CCDC141: variants seen among roughly 807,000 people sequenced by gnomAD.
CCDC141 encodes coiled-coil domain-containing protein 141.
In CCDC141, 168 loss-of-function variants were observed where a neutral mutation model predicts 181.0. That is an observed-to-expected ratio of 0.93 (90% CI 0.82 to 1.05). The LOEUF (loss-of-function observed/expected upper bound fraction) is 1.05, where lower values mean the gene tolerates loss of function less well. CCDC141 is among the 50% of genes least tolerant of loss of function. The pLI is 0.00. For missense variants in CCDC141, 1,902 were observed against 1,788.5 expected, an observed-to-expected ratio of 1.06 and a Z score of -1.14; for synonymous variants, 666 against 642.3, an observed-to-expected ratio of 1.04 and a Z score of -0.56.
chr2:178,862,389 A>T (rs1277098028), intron 17 of CCDC141, among the ~76,000 whole-genome samples: 1 of 152,220 alleles, frequency 6.6e-6, no homozygotes, highest in African/African-American at 2.4e-5. Context: ...ACAAATTTCC[A>T]TTAACATCAT....
At position 178,872,802 on chromosome 2, in the gene CCDC141, C is replaced by G. The variant is rs193277889; in HGVS notation, c.1900-490G>C. Among the ~76,000 whole-genome samples, 248 of 152,040 alleles carry G rather than the reference C, an allele frequency of 1.6e-3. 2 individuals carry two copies. Among genetic ancestry groups the G allele is most frequent in the Non-Finnish European group, 2.9e-3 (198 of 67,974 alleles). ...ATACATTGCAATTATTTTAAATGTCCTTTGCTGTTTCTCGAGTTCCTCCAT... is the reference window on the plus strand; with the variant it reads ...ATACATTGCAATTATTTTAAATGTCGTTTGCTGTTTCTCGAGTTCCTCCAT... On this transcript the variant is annotated intron_variant, in intron 12 of 23. Coordinates refer to ENST00000443758, the MANE Select transcript of CCDC141 (RefSeq NM_173648.4).
intron 2 of CCDC141, among the ~76,000 whole-genome samples, chr2:179,043,237 G>C (rs1412805310): frequency 1.3e-5 from 2 of 152,064 alleles, no homozygotes; most frequent in Non-Finnish European, 2.9e-5. Flanking sequence ...TAAATAGCCT[G>C]CCAACCAAAA....
intron 4 of CCDC141, among the ~76,000 whole-genome samples, chr2:178,963,261 A>G (rs1282728876): frequency 6.6e-6 from 1 of 152,214 alleles, no homozygotes; most frequent in African/African-American, 2.4e-5. Context: ...CCAAGTTACC[A>G]GGTTGAGGAG....
At chr2:179,034,023 A>T (rs192037925) in intron 2 of CCDC141, among the ~76,000 whole-genome samples, 1 of 152,296 alleles carries the variant, frequency 6.6e-6, no homozygotes, top group East Asian at 1.9e-4. Context: ...GTTTCTAGTT[A>T]AGTTGTTCTA....
At chr2:179,015,580 T>TATATAACTC (rs2042486169) in intron 2 of CCDC141, among the ~76,000 whole-genome samples, 2 of 82,424 alleles carry the variant, frequency 2.4e-5, no homozygotes, top group Non-Finnish European at 5.7e-5. Context: ...ATATATCTCA[T>TATATAACTC]ATATATCTCA....
At chr2:178,910,209 C>T (rs985102787) in intron 7 of CCDC141, among the ~76,000 whole-genome samples, 12 of 152,178 alleles carry the variant, frequency 7.9e-5, no homozygotes, top group East Asian at 1.9e-4. Flanking sequence ...ATCTGCAAGA[C>T]GAATTCAAAC....
intron 22 of CCDC141, 71 bp downstream of exon 22, chr2:178,845,555 T>C (rs1684898170): frequency 1.2e-6 from 1 of 822,912 alleles, no homozygotes; most frequent in East Asian, 2.4e-5. Context: ...TCACTTTTAT[T>C]TTGCAATGGA....
At chr2:178,866,173 C>T (rs544333684) in intron 16 of CCDC141, among the ~76,000 whole-genome samples, 21 of 152,188 alleles carry the variant, frequency 1.4e-4, no homozygotes, top group South Asian at 4.1e-4. Flanking sequence ...TCCTCAGAGA[C>T]GCCATTCATT....
At chr2:178,889,741 G>T (rs1395642747) in intron 8 of CCDC141, among the ~76,000 whole-genome samples, 5 of 152,110 alleles carry the variant, frequency 3.3e-5, no homozygotes, top group African/African-American at 7.2e-5. Context: ...GAAGTCCCAG[G>T]TAAGTTTAAT....
intron 2 of CCDC141, among the ~76,000 whole-genome samples, chr2:178,991,166 A>G (rs904159043): frequency 1.1e-4 from 16 of 152,208 alleles, no homozygotes; most frequent in African/African-American, 3.9e-4. Context: ...ACTAGTGGCA[A>G]TGAAATTTAT....
chr2:178,857,314 A>G (rs944256959), intron 17 of CCDC141, among the ~76,000 whole-genome samples: 1 of 152,234 alleles, frequency 6.6e-6, no homozygotes, highest in Non-Finnish European at 1.5e-5. Context: ...TATGAGATTT[A>G]GTAGAAAAAT....
chr2:178,947,531 G>A (rs919833394), intron 5 of CCDC141, among the ~76,000 whole-genome samples: 2 of 152,202 alleles, frequency 1.3e-5, no homozygotes, highest in Non-Finnish European at 2.9e-5. Context: ...CCATTAATTT[G>A]ATAGGGCATT....
At chr2:178,943,209 C>T (rs1689591852) in intron 6 of CCDC141, among the ~76,000 whole-genome samples, 1 of 152,106 alleles carries the variant, frequency 6.6e-6, no homozygotes, top group Non-Finnish European at 1.5e-5. Context: ...TTGATACAAA[C>T]AGAATAAATT....
At chr2:179,027,060 C>T (rs371607105) in intron 2 of CCDC141, among the ~76,000 whole-genome samples, 41 of 152,262 alleles carry the variant, frequency 2.7e-4, no homozygotes, top group Middle Eastern at 3.4e-3. Flanking sequence ...TCAGATGAGA[C>T]GTTGGACTGT....
At chr2:179,040,076 C>T (rs572245261) in intron 2 of CCDC141, among the ~76,000 whole-genome samples, 4 of 151,900 alleles carry the variant, frequency 2.6e-5, no homozygotes, top group Non-Finnish European at 5.9e-5. Context: ...GAGAGATGAA[C>T]CTTAAGAGGT....
chr2:178,816,735 TA>T, the CCDC141 span, among the ~76,000 whole-genome samples: 1 of 152,212 alleles, frequency 6.6e-6, no homozygotes, highest in Non-Finnish European at 1.5e-5. Context: ...TTAGCCATTC[TA>T]ATAGGTATGT....
chr2:179,009,082 G>C (rs138580030), intron 2 of CCDC141, among the ~76,000 whole-genome samples: 231 of 152,276 alleles, frequency 1.5e-3, no homozygotes, highest in African/African-American at 5.5e-3. Flanking sequence ...TGTGCATGGG[G>C]TTGGTCCTGG....
chr2:178,831,977 T>C lies in CCDC141; in HGVS notation c.*2196A>G, dbSNP rs1403001522. ...CCCAAAGAGTTAACATGAACAAGCA[T>C]GCAATAGAGAAAGCAAACCAGGAAT... On this transcript the variant is annotated 3_prime_UTR_variant, in exon 24 of 24. Coordinates refer to ENST00000443758, the MANE Select transcript of CCDC141 (RefSeq NM_173648.4). 6.6e-6 allele frequency: 1 copy of C among 151,940 alleles called. No individual in the cohort carries two copies. The highest frequency in any genetic ancestry group is 1.5e-5 in the Non-Finnish European group (1 of 68,024). 9.4% of individuals were successfully genotyped at this position (151,940 alleles called of 1,614,324 possible).
intron 6 of CCDC141, among the ~76,000 whole-genome samples, chr2:178,929,325 G>A (rs1031191511): frequency 6.6e-6 from 1 of 152,142 alleles, no homozygotes; most frequent in African/African-American, 2.4e-5. Context: ...TCAAATAGCA[G>A]AAGCGTCTGC....
Sources: gnomAD v4.1 joint callset for allele counts (sites outside exome capture counted in the v4.1 genomes callset) on GRCh38, gnomAD v4.1.1 for gene constraint, MANE v1.5 for transcripts, NCBI Gene and HGNC (gene_info 2026-07-23, HGNC 2026-07-21) for gene names.